IKBKB-DT: variants seen among roughly 807,000 people sequenced by gnomAD.
The protein encoded by IKBKB-DT is IKBKB divergent transcript, also known as IKBKB antisense RNA.
At chr8:42,268,115 ATAGG>A (rs1807399468) in intron 1 of IKBKB-DT, among the ~76,000 whole-genome samples, 1 of 150,970 alleles carries the variant, frequency 6.6e-6, no homozygotes, top group African/African-American at 2.5e-5. Context: ...CCCAGCACAT[ATAGG>A]TGCTCAATAA....
chr8:42,249,805 G>A (rs1429460772), intron 3 of IKBKB-DT, among the ~76,000 whole-genome samples: 2 of 151,906 alleles, frequency 1.3e-5, no homozygotes, highest in African/African-American at 2.4e-5. Flanking sequence ...GGATGGGCAC[G>A]GTAGCTCACA....
chr8:42,262,285 T>TA (rs1451857939), intron 3 of IKBKB-DT, among the ~76,000 whole-genome samples: 39 of 95,998 alleles, frequency 4.1e-4, no homozygotes, highest in East Asian at 3.5e-3. Context: ...AGTATAATAA[T>TA]AAAAAAAAAA....
intron 3 of IKBKB-DT, among the ~76,000 whole-genome samples, chr8:42,251,743 A>T (rs1361583708): frequency 6.6e-6 from 1 of 151,620 alleles, no homozygotes; most frequent in African/African-American, 2.4e-5. Flanking sequence ...AGACAGGAGA[A>T]TCACTTGAAC....
intron 3 of IKBKB-DT, among the ~76,000 whole-genome samples, chr8:42,253,218 C>T (rs1807152636): frequency 6.6e-6 from 1 of 152,186 alleles, no homozygotes; most frequent in African/African-American, 2.4e-5. Context: ...AGGTCTTAGA[C>T]AAATTCAACC....
chr8:42,240,873 G>C (rs1305821921), intron 3 of IKBKB-DT, among the ~76,000 whole-genome samples: 3 of 152,000 alleles, frequency 2.0e-5, no homozygotes, highest in African/African-American at 7.3e-5. Context: ...TACCTGGGAG[G>C]CTGAGGCAGA....
intron 3 of IKBKB-DT, among the ~76,000 whole-genome samples, chr8:42,242,288 A>C (rs74576433): frequency 0.043 from 4,310 of 100,154 alleles, 90 homozygotes; most frequent in Non-Finnish European, 0.064. Context: ...AGATTATAGC[A>C]TCATCCCTGT....
chr8:42,241,642 G>A (rs1807005242), intron 3 of IKBKB-DT, among the ~76,000 whole-genome samples: 1 of 152,138 alleles, frequency 6.6e-6, no homozygotes. Context: ...TTTTAAAGCA[G>A]TCATCCTAAA....
intron 3 of IKBKB-DT, among the ~76,000 whole-genome samples, chr8:42,253,452 G>T (rs1447655468): frequency 6.6e-6 from 1 of 152,178 alleles, no homozygotes; most frequent in African/African-American, 2.4e-5. Context: ...AGCTTTTGCA[G>T]CTTCATGAAA....
chr8:42,254,656 AGC>A (rs1807171571), intron 3 of IKBKB-DT, among the ~76,000 whole-genome samples: 1 of 143,312 alleles, frequency 7.0e-6, no homozygotes, highest in Non-Finnish European at 1.5e-5. Flanking sequence ...CTGCCCGGCC[AGC>A]CTGTCTGGGA....
At chr8:42,256,389 C>A (rs1330784780) in intron 3 of IKBKB-DT, among the ~76,000 whole-genome samples, 2 of 150,536 alleles carry the variant, frequency 1.3e-5, no homozygotes, top group Non-Finnish European at 2.9e-5. Flanking sequence ...TAGTGAAACC[C>A]CGTTTCTACC....
chr8:42,264,711 A>G (rs1807346720), intron 2 of IKBKB-DT, among the ~76,000 whole-genome samples: 1 of 152,082 alleles, frequency 6.6e-6, no homozygotes, highest in Admixed American at 6.6e-5. Context: ...GGTGCCCACC[A>G]TCATGCCCAG....
intron 1 of IKBKB-DT, chr8:42,270,392 T>G (rs1366101272): frequency 6.6e-6 from 1 of 152,244 alleles, no homozygotes; most frequent in Non-Finnish European, 1.5e-5. Flanking sequence ...AGTTGGAGGT[T>G]GCACTGAGCT....
intron 3 of IKBKB-DT, among the ~76,000 whole-genome samples, chr8:42,260,217 C>A (rs1807265694): frequency 1.3e-5 from 2 of 152,066 alleles, no homozygotes; most frequent in Admixed American, 1.3e-4. Context: ...GACAGTGGGG[C>A]TTCAGGAAGG....
chr8:42,242,088 G>A (rs550209869), intron 3 of IKBKB-DT, among the ~76,000 whole-genome samples: 22 of 152,204 alleles, frequency 1.4e-4, no homozygotes, highest in African/African-American at 3.4e-4. Context: ...GTTGGTGCGC[G>A]CCTGTAATCT....
chr8:42,269,200 A>G (rs1436275511), intron 1 of IKBKB-DT, among the ~76,000 whole-genome samples: 1 of 150,958 alleles, frequency 6.6e-6, no homozygotes. Context: ...CGTGCCTGTA[A>G]TCTCAGCTAG....
chr8:42,240,712 C>T (rs1199950863), intron 3 of IKBKB-DT, among the ~76,000 whole-genome samples: 3 of 149,456 alleles, frequency 2.0e-5, no homozygotes, highest in African/African-American at 7.4e-5. Flanking sequence ...CACTGTGGCT[C>T]ATGCCTGTAA....
chr8:42,238,910 C>A (rs923749629), intron 3 of IKBKB-DT, among the ~76,000 whole-genome samples: 5 of 152,140 alleles, frequency 3.3e-5, no homozygotes, highest in African/African-American at 1.2e-4. Context: ...CTTCAGGAGA[C>A]TTATTTGAGT....
intron 3 of IKBKB-DT, among the ~76,000 whole-genome samples, chr8:42,240,648 A>C (rs928011857): frequency 6.7e-6 from 1 of 148,726 alleles, no homozygotes; most frequent in Admixed American, 6.7e-5. Context: ...AAAAAAAAAA[A>C]AAGAGCAAGT....
chr8:42,256,486 C>A (rs1347393675), intron 3 of IKBKB-DT, among the ~76,000 whole-genome samples: 2 of 151,706 alleles, frequency 1.3e-5, no homozygotes, highest in Admixed American at 6.6e-5. Context: ...GCAGGAGAAT[C>A]ACTTGAACCC....
Sources: allele counts gnomAD v4.1 joint callset (sites outside exome capture counted in the v4.1 genomes callset), GRCh38; gene constraint gnomAD v4.1.1; transcripts MANE v1.5; gene names NCBI Gene and HGNC (gene_info 2026-07-23, HGNC 2026-07-21).